BNC2: variants seen among roughly 807,000 people sequenced by gnomAD.
BNC2 encodes basonuclin zinc finger protein 2.
In BNC2, 20 loss-of-function variants were observed where a neutral mutation model predicts 76.3. That is an observed-to-expected ratio of 0.26 (90% CI 0.18 to 0.38). BNC2 has a LOEUF of 0.38. Among genes scored for constraint, BNC2 ranks in the 10% least tolerant of loss-of-function variants. The pLI is 1.00. For synonymous variants in BNC2, 582 were observed against 514.8 expected, an observed-to-expected ratio of 1.13 and a Z score of -1.77; for missense variants, 1,382 against 1,399.8, an observed-to-expected ratio of 0.99 and a Z score of 0.20.
At chr9:16,488,260 A>G (rs1399217842) in intron 5 of BNC2, among the ~76,000 whole-genome samples, 1 of 152,152 alleles carries the variant, frequency 6.6e-6, no homozygotes, top group Non-Finnish European at 1.5e-5. Flanking sequence ...GATATTCCAA[A>G]TAACATAAAA....
intron 1 of BNC2, among the ~76,000 whole-genome samples, chr9:16,829,162 G>T: frequency 6.6e-6 from 1 of 152,228 alleles, no homozygotes; most frequent in East Asian, 1.9e-4. Context: ...GCGAATTTCC[G>T]TCTGGCACGG....
Position 16,415,046 on chromosome 9 carries a change from GGCACCA to G in BNC2, c.*3937_*3942del, listed in dbSNP as rs1487113963. ...AAAGAAATAACACTATGAGGACAGT[GGCACCA>G]TTGTGCCAAAAAGGTTTTAAAAAAT... On this transcript the variant is annotated 3_prime_UTR_variant, in exon 7 of 7. Transcript: ENST00000380672. 6.6e-6 allele frequency: 1 copy of G among 151,736 alleles called. No homozygotes were observed. The highest frequency in any genetic ancestry group is 1.5e-5 in the Non-Finnish European group (1 of 67,980). The allele number at this position is 151,736 out of a possible 1,614,324, so 9.4% of individuals were successfully genotyped here.
chr9:16,563,436 G>A (rs1426567711), intron 4 of BNC2, among the ~76,000 whole-genome samples: 1 of 151,560 alleles, frequency 6.6e-6, no homozygotes. Flanking sequence ...CTGGCCAACA[G>A]AGCGAAACCC....
At chr9:16,525,940 G>GT (rs892960379) in intron 5 of BNC2, among the ~76,000 whole-genome samples, 2 of 151,934 alleles carry the variant, frequency 1.3e-5, no homozygotes, top group African/African-American at 4.8e-5. Flanking sequence ...CTTTAAAAGT[G>GT]TATTTGATAC....
chr9:16,465,735 T>C lies in BNC2; in HGVS notation c.670-28211A>G, dbSNP rs1821692119. On this transcript the variant is annotated intron_variant, in intron 5 of 6. Transcript: ENST00000380672. ...TCAACACTTTCTTAACATATCTCAA[T>C]AAACTGCCTAAATTAGCTATCTAAA... is the stretch of plus-strand genomic sequence containing the variant. Among the ~76,000 whole-genome samples the C allele has an allele frequency of 2.0e-5, 3 of 152,160 alleles. No individual in the cohort carries two copies. In the South Asian group the frequency reaches 6.2e-4, roughly 31 times the overall value.
At chr9:16,548,651 C>A (rs1393567423) in intron 5 of BNC2, among the ~76,000 whole-genome samples, 1 of 152,122 alleles carries the variant, frequency 6.6e-6, no homozygotes, top group African/African-American at 2.4e-5. Flanking sequence ...GTGATCTGCC[C>A]GCCTTGGCCT....
chr9:16,610,229 T>G (rs971565372), intron 3 of BNC2, among the ~76,000 whole-genome samples: 2 of 152,166 alleles, frequency 1.3e-5, no homozygotes, highest in Non-Finnish European at 2.9e-5. Context: ...GGAGGATTGC[T>G]GAATCCGAAG....
At chr9:16,860,775 G>A (rs1217313840) in intron 1 of BNC2, among the ~76,000 whole-genome samples, 3 of 152,196 alleles carry the variant, frequency 2.0e-5, no homozygotes, top group African/African-American at 7.2e-5. Flanking sequence ...GGGCGTGGTG[G>A]CTCATGCCAG....
At position 16,452,005 on chromosome 9, in the gene BNC2, T is replaced by C. The variant is rs527293438; in HGVS notation, c.670-14481A>G. Reference sequence around the variant, plus strand: ...ATCAGGAGGCTAAAGTGTAAGTAGCTGACTTGGGACAAGAATCTAGCTGAC... The same window carrying C: ...ATCAGGAGGCTAAAGTGTAAGTAGCCGACTTGGGACAAGAATCTAGCTGAC... On this transcript the variant is annotated intron_variant, in intron 5 of 6. Transcript: ENST00000380672. Among the ~76,000 whole-genome samples the C allele has an allele frequency of 4.5e-4, 68 of 152,320 alleles. No individual in the cohort carries two copies. The South Asian group carries it at 7.7e-3, about 17-fold the overall frequency.
chr9:16,843,261 A>G (rs1253191699), intron 1 of BNC2, among the ~76,000 whole-genome samples: 1 of 152,212 alleles, frequency 6.6e-6, no homozygotes, highest in Non-Finnish European at 1.5e-5. Flanking sequence ...GGGCAGGGTT[A>G]TAATTCTGTT....
At chr9:16,780,040 T>C (rs539230064) in intron 1 of BNC2, among the ~76,000 whole-genome samples, 3 of 150,592 alleles carry the variant, frequency 2.0e-5, no homozygotes, top group East Asian at 2.0e-4. Context: ...ATCGAGACCA[T>C]CCTGGCTAAC....
intron 3 of BNC2, among the ~76,000 whole-genome samples, chr9:16,643,721 T>C (rs1821551796): frequency 6.6e-6 from 1 of 152,254 alleles, no homozygotes; most frequent in African/African-American, 2.4e-5. Context: ...CTTATAAGGG[T>C]AGCTGCTATT....
intron 1 of BNC2, among the ~76,000 whole-genome samples, chr9:16,844,184 G>A (rs1451119377): frequency 6.6e-6 from 1 of 151,570 alleles, no homozygotes; most frequent in Admixed American, 6.6e-5. Context: ...ACAGACAGGA[G>A]TTTCAACACA....
chr9:16,813,328 C>T (rs554000795), intron 1 of BNC2, among the ~76,000 whole-genome samples: 1 of 151,168 alleles, frequency 6.6e-6, no homozygotes, highest in Non-Finnish European at 1.5e-5. Context: ...TGCAGTGGTG[C>T]GATCTCGGCT....
intron 5 of BNC2, among the ~76,000 whole-genome samples, chr9:16,548,359 A>C (rs1818552506): frequency 6.6e-6 from 1 of 152,018 alleles, no homozygotes; most frequent in South Asian, 2.1e-4. Flanking sequence ...TAAATGTATC[A>C]CAAGATACAG....
Position 16,735,028 on chromosome 9 carries a change from C to G in BNC2, c.129+3332G>C, listed in dbSNP as rs145929323. ...GACAGCCTAATCAGGGGCTCAGTTTCATAGAAACACATCAAGGAAATATCC... is the reference window on the plus strand; with the variant it reads ...GACAGCCTAATCAGGGGCTCAGTTTGATAGAAACACATCAAGGAAATATCC... On this transcript the variant is annotated intron_variant, in intron 2 of 6. Coordinates refer to ENST00000380672, the MANE Select transcript of BNC2 (RefSeq NM_017637.6). Among the ~76,000 whole-genome samples, 568 of 152,192 alleles carry G rather than the reference C, an allele frequency of 3.7e-3. 3 individuals carry two copies. Among genetic ancestry groups the G allele is most frequent in the African/African-American group, 0.013 (552 of 41,532 alleles).
chr9:16,436,900 T>C lies in BNC2; in HGVS notation c.1294A>G (p.Met432Val). Residue 432 changes from methionine to valine, a missense_variant, in exon 6 of 7, where the codon ATG (methionine) becomes GTG (valine). Physicochemically the swap from Met to Val is conservative, Grantham distance 21. Coordinates refer to ENST00000380672, the MANE Select transcript of BNC2 (RefSeq NM_017637.6). ...SSFRIHRMRR[M>V]GSASRKGRVF... ...CTTCCTTTCCTAGAGGCTGACCCCA[T>C]CCTTCTCATCCGATGAATCCGGAAT... 6.2e-7 allele frequency: 1 copy of C among 1,614,138 alleles called. No homozygotes were observed. The highest frequency in any genetic ancestry group is 2.2e-5 in the East Asian group (1 of 44,866).
chr9:16,599,708 C>T (rs911072047), intron 3 of BNC2, among the ~76,000 whole-genome samples: 17 of 152,196 alleles, frequency 1.1e-4, no homozygotes, highest in Admixed American at 3.3e-4. Flanking sequence ...CACTTGAACC[C>T]GGAGGCAGAG....
chr9:16,474,718 A>C (rs565687315), intron 5 of BNC2, among the ~76,000 whole-genome samples: 1 of 152,332 alleles, frequency 6.6e-6, no homozygotes, highest in Admixed American at 6.5e-5. Context: ...TTGCACTTGA[A>C]GCTTTCGTTG....
Sources: allele counts gnomAD v4.1 joint callset (sites outside exome capture counted in the v4.1 genomes callset), GRCh38; gene constraint gnomAD v4.1.1; transcripts MANE v1.5; gene names NCBI Gene and HGNC (gene_info 2026-07-23, HGNC 2026-07-21).